MAP2K6: variants seen among roughly 807,000 people sequenced by gnomAD.
The protein encoded by MAP2K6 is dual specificity mitogen-activated protein kinase kinase 6.
Under a neutral mutation model 53.7 loss-of-function variants are expected in MAP2K6, and 16 were observed. The ratio of observed to expected loss-of-function variants is 0.30; its 90% CI spans 0.20 to 0.45. The LOEUF is 0.45. Among genes scored for constraint, MAP2K6 ranks in the 20% least tolerant of loss-of-function variants. The pLI, the probability that MAP2K6 is intolerant of heterozygous loss-of-function variation, is 1.00. For synonymous variants in MAP2K6, 132 were observed against 143.1 expected, an observed-to-expected ratio of 0.92 and a Z score of 0.55; for missense variants, 204 against 411.9, an observed-to-expected ratio of 0.50 and a Z score of 4.37.
intron 10 of MAP2K6, among the ~76,000 whole-genome samples, chr17:69,532,798 G>A (rs943574259): frequency 1.3e-5 from 2 of 152,160 alleles, no homozygotes; most frequent in African/African-American, 4.8e-5. Flanking sequence ...TTTCTAATCA[G>A]GGGCCATGAG....
chr17:69,483,517 C>T (rs1025628747), intron 1 of MAP2K6, among the ~76,000 whole-genome samples: 1 of 152,072 alleles, frequency 6.6e-6, no homozygotes, highest in African/African-American at 2.4e-5. Flanking sequence ...GTTAAGATGG[C>T]AGTAGTTTCC....
At chr17:69,476,356 G>A (rs563818476) in intron 1 of MAP2K6, among the ~76,000 whole-genome samples, 12 of 152,170 alleles carry the variant, frequency 7.9e-5, no homozygotes, top group Non-Finnish European at 1.3e-4. Context: ...GAAATTCCAG[G>A]GCCGGGGCGT....
chr17:69,485,545 T>A, intron 1 of MAP2K6: 3 of 767,894 alleles, frequency 3.9e-6, no homozygotes, highest in Non-Finnish European at 4.7e-6. Flanking sequence ...CTGTTCCTAA[T>A]GTTTCTTGGC....
chr17:69,431,966 G>A (rs1201778525), intron 1 of MAP2K6, among the ~76,000 whole-genome samples: 1 of 152,210 alleles, frequency 6.6e-6, no homozygotes, highest in African/African-American at 2.4e-5. Context: ...CTGGATCTGA[G>A]TCAGGTGTTC....
rs1446970979 is a variant in MAP2K6 at position 69,546,854 on chromosome 17, T to C, written c.*5101T>C. The C allele has an allele frequency of 6.6e-6, 1 of 152,184 alleles. No homozygotes were observed. The highest frequency in any genetic ancestry group is 1.9e-4 in the East Asian group (1 of 5,198). The allele number at this position is 152,184 out of a possible 1,614,324, so 9.4% of individuals were successfully genotyped here. ...AAATGTCAACTTCATAGGACTTTTT[T>C]TTTTTTTAACTTTTCAAATGGAAGG... is the stretch of plus-strand genomic sequence containing the variant. On this transcript the variant is annotated 3_prime_UTR_variant, in exon 12 of 12. Transcript: ENST00000590474.
chr17:69,421,418 G>A (rs1567812250), intron 1 of MAP2K6, among the ~76,000 whole-genome samples: 1 of 152,150 alleles, frequency 6.6e-6, no homozygotes, highest in African/African-American at 2.4e-5. Context: ...TGAATTGTCC[G>A]AAGAATCCCA....
At chr17:69,517,664 TC>T in intron 4 of MAP2K6, 51 bp downstream of exon 4, 2 of 1,266,496 alleles carry the variant, frequency 1.6e-6, no homozygotes, top group South Asian at 1.6e-5. Context: ...TATACATTTG[TC>T]CACCTCAATT....
chr17:69,517,803 T>C (rs1910245814), intron 4 of MAP2K6, among the ~76,000 whole-genome samples, 190 bp downstream of exon 4: 1 of 152,228 alleles, frequency 6.6e-6, no homozygotes, highest in South Asian at 2.1e-4. Flanking sequence ...TTGTATCTAC[T>C]TTTTATTTGT....
chr17:69,418,440 C>T (rs1016862973), intron 1 of MAP2K6, among the ~76,000 whole-genome samples: 1 of 151,948 alleles, frequency 6.6e-6, no homozygotes, highest in Non-Finnish European at 1.5e-5. Context: ...CATAAATAAC[C>T]CTTGTTCATT....
At chr17:69,536,057 T>A (rs1287546618) in intron 10 of MAP2K6, 58 bp from the exon 11 acceptor site, 25 of 1,150,900 alleles carry the variant, frequency 2.2e-5, no homozygotes, top group Non-Finnish European at 1.4e-5. Context: ...CTGAAATCCT[T>A]GTCTAATGAA....
intron 1 of MAP2K6, among the ~76,000 whole-genome samples, chr17:69,491,582 C>G (rs558167702): frequency 6.6e-6 from 1 of 152,156 alleles, no homozygotes; most frequent in South Asian, 2.1e-4. Context: ...GGATATAGAC[C>G]CAGTAATGGC....
chr17:69,504,727 T>C (rs1909370744), intron 1 of MAP2K6: 1 of 154,380 alleles, frequency 6.5e-6, no homozygotes, highest in African/African-American at 2.4e-5. Flanking sequence ...CAGTCTGTTC[T>C]TTTTTACTCA....
At chr17:69,490,837 A>G (rs1908715633) in intron 1 of MAP2K6, among the ~76,000 whole-genome samples, 1 of 151,962 alleles carries the variant, frequency 6.6e-6, no homozygotes, top group African/African-American at 2.4e-5. Context: ...CCTAGTACCC[A>G]TTAGTTATTT....
At chr17:69,522,890 CAAAA>C (rs34231223) in intron 7 of MAP2K6, among the ~76,000 whole-genome samples, 4 of 98,894 alleles carry the variant, frequency 4.0e-5, no homozygotes, top group African/African-American at 3.6e-5. Context: ...TCCTGTCTGT[CAAAA>C]AAAAAAAAAA....
intron 1 of MAP2K6, among the ~76,000 whole-genome samples, chr17:69,428,863 TG>T (rs58567294): frequency 0.49 from 67,483 of 138,296 alleles, 17,458 homozygotes; most frequent in African/African-American, 0.55. Flanking sequence ...TTTTTGTTTT[TG>T]TTTTTTTTTT....
intron 1 of MAP2K6, among the ~76,000 whole-genome samples, chr17:69,440,420 TA>T (rs1290275280): frequency 6.6e-6 from 1 of 152,154 alleles, no homozygotes; most frequent in Non-Finnish European, 1.5e-5. Flanking sequence ...TCACCCAATA[TA>T]ACTCATCTCC....
chr17:69,552,821 A>G lies in MAP2K6; in HGVS notation c.*11068A>G, dbSNP rs534871935. 1 of 152,018 alleles carries G rather than the reference A, an allele frequency of 6.6e-6. No homozygotes were observed. Among genetic ancestry groups the G allele is most frequent in the East Asian group, 1.9e-4 (1 of 5,170 alleles). 9.4% of individuals were successfully genotyped at this position (152,018 alleles called of 1,614,324 possible). On this transcript the variant is annotated 3_prime_UTR_variant, in exon 12 of 12. Transcript: ENST00000590474. ...GCTCCAAACATTTTCATTTTAGGCT[A>G]GCTTTCCTGTCACCCAGGTTGTGTG...
chr17:69,419,221 A>G (rs1175387433), intron 1 of MAP2K6, among the ~76,000 whole-genome samples: 1 of 152,208 alleles, frequency 6.6e-6, no homozygotes, highest in Non-Finnish European at 1.5e-5. Flanking sequence ...AGCTATACAC[A>G]GTACTGTAAG....
rs755266127 is a variant in MAP2K6 at position 69,536,130 on chromosome 17, C to G, written c.897C>G (p.Ser299=). ...TTTCTTTAAGCTTAAAGAAGAATTC[C>G]AAAGAACGGCCTACATACCCAGAGC... is the stretch of plus-strand genomic sequence containing the variant. ...DFTSQCLKKN[S]KERPTYPELM... is the part of the protein sequence containing the mutation. The change falls in exon 11 of 12, where the codon TCC becomes TCG. Residue 299 remains serine, a synonymous_variant. Transcript: ENST00000590474. 6.2e-7 allele frequency: 1 copy of G among 1,609,586 alleles called. No homozygotes were observed. The highest frequency in any genetic ancestry group is 1.7e-5 in the Admixed American group (1 of 59,718).
Sources: gnomAD v4.1 joint callset for allele counts (sites outside exome capture counted in the v4.1 genomes callset) on GRCh38, gnomAD v4.1.1 for gene constraint, MANE v1.5 for transcripts, NCBI Gene and HGNC (gene_info 2026-07-23, HGNC 2026-07-21) for gene names.